The following PTPRK variants were observed in gnomAD, a reference collection of about 807,000 sequenced individuals.
PTPRK encodes the protein receptor-type tyrosine-protein phosphatase kappa.
In PTPRK, 75 loss-of-function variants were observed where a neutral mutation model predicts 178.0. The observed-to-expected ratio is 0.42, with a 90% confidence interval of 0.35 to 0.51. The LOEUF is 0.51. Among genes scored for constraint, PTPRK ranks in the 20% least tolerant of loss-of-function variants. PTPRK has a pLI of 0.02. For synonymous variants in PTPRK, 637 were observed against 620.6 expected (o/e 1.03, Z -0.39); for missense variants, 1,441 against 1,797.8 (o/e 0.80, Z 3.59).
At chr6:128,032,569 T>C (rs942282262) in intron 13 of PTPRK, among the ~76,000 whole-genome samples, 8 of 152,202 alleles carry the variant, frequency 5.3e-5, no homozygotes, top group African/African-American at 1.9e-4. Flanking sequence ...ATACATTTAT[T>C]GTAACCAGAT....
At chr6:128,378,661 G>T (rs77647042) in intron 2 of PTPRK, among the ~76,000 whole-genome samples, 6,638 of 152,038 alleles carry the variant, frequency 0.044, 506 homozygotes, top group African/African-American at 0.15. Flanking sequence ...AATAATTACT[G>T]CTAATGTATA....
At chr6:128,507,432 A>G (rs891285056) in intron 1 of PTPRK, among the ~76,000 whole-genome samples, 6 of 152,168 alleles carry the variant, frequency 3.9e-5, no homozygotes, top group Non-Finnish European at 1.5e-5. Flanking sequence ...ATTTCCTGGT[A>G]AGACCGTGAG....
At chr6:128,263,291 C>T (rs1208767155) in intron 3 of PTPRK, among the ~76,000 whole-genome samples, 1 of 152,168 alleles carries the variant, frequency 6.6e-6, no homozygotes. Context: ...TGAGGGAACA[C>T]TTGCTGCTGT....
In PTPRK at chr6:128,089,762, G is replaced by C; in HGVS notation, c.1393C>G (p.Leu465Val). ...NHLPPYTNVS[L>V]KMILTNPEGR... is the part of the protein sequence containing the mutation. ...TCTGGATTGGTTAGGATCATCTTGA[G>C]GCTGACATTTGTATAAGGTGGCAGA... Residue 465 changes from leucine (L) to valine (V), a missense_variant, in exon 8 of 30, where the codon CTC becomes GTC. Leu to Val is a conservative substitution (Grantham distance 32). Coordinates refer to ENST00000368226, the MANE Select transcript of PTPRK (RefSeq NM_002844.4). 6.2e-7 allele frequency: 1 copy of C among 1,613,402 alleles called. No homozygotes were observed. Among genetic ancestry groups the C allele is most frequent in the South Asian group, 1.1e-5 (1 of 91,054 alleles).
chr6:128,262,474 C>T (rs2128293845), intron 3 of PTPRK, among the ~76,000 whole-genome samples: 1 of 152,188 alleles, frequency 6.6e-6, no homozygotes, highest in South Asian at 2.1e-4. Context: ...CGACTCCCCA[C>T]ATACTAAAAC....
intron 7 of PTPRK, among the ~76,000 whole-genome samples, chr6:128,166,499 G>A (rs780259043): frequency 1.2e-4 from 18 of 151,542 alleles, no homozygotes; most frequent in Non-Finnish European, 2.5e-4. Context: ...TAAGATAATC[G>A]TATCAAATGC....
At chr6:128,199,254 G>A (rs1204137704) in intron 6 of PTPRK, among the ~76,000 whole-genome samples, 1 of 152,118 alleles carries the variant, frequency 6.6e-6, no homozygotes, top group Admixed American at 6.6e-5. Flanking sequence ...TTGTGGCACA[G>A]TCACACAACA....
chr6:128,173,715 A>C (rs4628122), intron 7 of PTPRK, among the ~76,000 whole-genome samples: 2,187 of 152,028 alleles, frequency 0.014, 61 homozygotes, highest in East Asian at 0.098. Flanking sequence ...TACTGATTCT[A>C]CCTATCAAAT....
At chr6:128,022,252 T>C (rs1430824262) in intron 13 of PTPRK, among the ~76,000 whole-genome samples, 1 of 152,192 alleles carries the variant, frequency 6.6e-6, no homozygotes, top group African/African-American at 2.4e-5. Context: ...ACTCCTTTCT[T>C]CTTTATGGCT....
At chr6:128,088,001 C>T (rs950167295) in intron 8 of PTPRK, among the ~76,000 whole-genome samples, 17 of 152,270 alleles carry the variant, frequency 1.1e-4, no homozygotes, top group South Asian at 1.0e-3. Flanking sequence ...CACCAAAAGA[C>T]ACACCTGATC....
intron 14 of PTPRK, among the ~76,000 whole-genome samples, chr6:128,007,763 G>A (rs1343282927): frequency 6.6e-6 from 1 of 150,978 alleles, no homozygotes; most frequent in African/African-American, 2.4e-5. Flanking sequence ...AATCTGAAGT[G>A]ACCAGAACAT....
chr6:128,338,393 C>T (rs1319938770), intron 2 of PTPRK, among the ~76,000 whole-genome samples: 1 of 152,116 alleles, frequency 6.6e-6, no homozygotes, highest in Admixed American at 6.5e-5. Context: ...CTTGTTACTA[C>T]ACCCAAATAT....
intron 6 of PTPRK, 79 bp from the exon 7 acceptor site, chr6:128,184,804 A>G (rs1802490990): frequency 3.0e-6 from 4 of 1,326,166 alleles, no homozygotes; most frequent in Admixed American, 2.3e-5. Context: ...TAAGGCCTAA[A>G]TGCTTAATGG....
intron 13 of PTPRK, among the ~76,000 whole-genome samples, chr6:128,015,173 A>T (rs1302945786): frequency 6.6e-6 from 1 of 151,722 alleles, no homozygotes; most frequent in Admixed American, 6.6e-5. Flanking sequence ...CACAGTTCAA[A>T]ATGCTGTACA....
At chr6:128,126,089 G>C (rs866870080) in intron 7 of PTPRK, among the ~76,000 whole-genome samples, 16 of 150,432 alleles carry the variant, frequency 1.1e-4, no homozygotes, top group African/African-American at 3.9e-4. Flanking sequence ...TGGGATACAT[G>C]TGCAGAACAT....
At chr6:128,081,933 C>T (rs1045585753) in intron 10 of PTPRK, among the ~76,000 whole-genome samples, 2 of 151,898 alleles carry the variant, frequency 1.3e-5, no homozygotes, top group South Asian at 2.1e-4. Context: ...TCTGTACGTT[C>T]CCATTTTAAA....
chr6:128,336,463 C>T (rs1830946063), intron 2 of PTPRK, among the ~76,000 whole-genome samples: 1 of 152,108 alleles, frequency 6.6e-6, no homozygotes, highest in African/African-American at 2.4e-5. Context: ...CCCCAAGGCG[C>T]TGGGAAAATG....
intron 13 of PTPRK, among the ~76,000 whole-genome samples, chr6:128,056,610 G>C (rs554854656): frequency 1.3e-5 from 2 of 152,026 alleles, no homozygotes; most frequent in Non-Finnish European, 2.9e-5. Context: ...ATTTTTAGTA[G>C]AGATGGGGTT....
rs78823521 is a variant in PTPRK, at chr6:128,469,995, C to T, written c.100+50264G>A. Among the ~76,000 whole-genome samples, 534 of 152,214 alleles carry T rather than the reference C, an allele frequency of 3.5e-3. 3 individuals carry two copies. The highest frequency in any genetic ancestry group is 0.012 in the African/African-American group (513 of 41,520). ...AGTGAGACTCCTGACTTCTGACCTCCAGAAATGTAAGAGAATAAATTTGTG... is the reference window on the plus strand; with the variant it reads ...AGTGAGACTCCTGACTTCTGACCTCTAGAAATGTAAGAGAATAAATTTGTG... On this transcript the variant is annotated intron_variant, in intron 1 of 29. Coordinates refer to ENST00000368226, the MANE Select transcript of PTPRK (RefSeq NM_002844.4).
Sources: gnomAD v4.1 joint callset for allele counts (sites outside exome capture counted in the v4.1 genomes callset) on GRCh38, gnomAD v4.1.1 for gene constraint, MANE v1.5 for transcripts, NCBI Gene and HGNC (gene_info 2026-07-23, HGNC 2026-07-21) for gene names.